The following SCAMP2 variants were observed in gnomAD, a reference collection of about 807,000 sequenced individuals.
SCAMP2 encodes secretory carrier-associated membrane protein 2.
A neutral mutation model predicts 44.1 loss-of-function variants in SCAMP2; 25 were observed. That is an observed-to-expected ratio of 0.57 (90% CI 0.41 to 0.79). The LOEUF is 0.79. Ranked by LOEUF, SCAMP2 falls within the 30% of genes least tolerant of loss-of-function variation. The pLI, the probability that SCAMP2 is intolerant of heterozygous loss-of-function variation, is 0.00. For synonymous variants in SCAMP2, 156 were observed against 166.0 expected, an observed-to-expected ratio of 0.94 and a Z score of 0.46; for missense variants, 355 against 411.0, an observed-to-expected ratio of 0.86 and a Z score of 1.18.
At chr15:74,846,155 G>A (rs1193205258) in intron 7 of SCAMP2, among the ~76,000 whole-genome samples, 1 of 151,964 alleles carries the variant, frequency 6.6e-6, no homozygotes, top group African/African-American at 2.4e-5. Flanking sequence ...GGTTGCACAC[G>A]CCTGCAATCC....
At chr15:74,855,716 CAAAAAAAAAA>C (rs10609131) in intron 1 of SCAMP2, among the ~76,000 whole-genome samples, 1 of 84,112 alleles carries the variant, frequency 1.2e-5, no homozygotes, top group African/African-American at 4.6e-5. Flanking sequence ...AACTCCATCT[CAAAAAAAAAA>C]AAAAAAAAAA....
intron 1 of SCAMP2, among the ~76,000 whole-genome samples, chr15:74,863,637 A>G (rs1479674168): frequency 2.0e-5 from 3 of 152,168 alleles, no homozygotes; most frequent in Non-Finnish European, 4.4e-5. Flanking sequence ...AAGGCCTTCC[A>G]GGACCTGGCA....
intron 1 of SCAMP2, among the ~76,000 whole-genome samples, chr15:74,855,039 C>T (rs1233059134): frequency 6.7e-6 from 1 of 150,104 alleles, no homozygotes; most frequent in Non-Finnish European, 1.5e-5. Context: ...AGGGTAGAGA[C>T]TTACTATTGA....
At chr15:74,862,861 C>CAT (rs34351367) in intron 1 of SCAMP2, among the ~76,000 whole-genome samples, 32,310 of 105,164 alleles carry the variant, frequency 0.31, 6,805 homozygotes, top group Non-Finnish European at 0.44. Context: ...CATACACACA[C>CAT]ACACACACAC....
chr15:74,869,479 T>G (rs932100900), intron 1 of SCAMP2, among the ~76,000 whole-genome samples: 5 of 152,212 alleles, frequency 3.3e-5, no homozygotes, highest in Admixed American at 2.6e-4. Context: ...GATGTTACAT[T>G]CCATTCTTTC....
chr15:74,856,344 C>T (rs1162582234), intron 1 of SCAMP2, among the ~76,000 whole-genome samples: 1 of 147,118 alleles, frequency 6.8e-6, no homozygotes, highest in Non-Finnish European at 1.5e-5. Context: ...GCATGATCTC[C>T]ACTCACTGCA....
chr15:74,873,342 T>G lies in SCAMP2; in HGVS notation c.-87A>C. ...GCGGCGCTTCGTGTAGACCCTCCACTTCCGGGAGCGAGGCAGCGGTTCTGG... is the reference window on the plus strand; with the variant it reads ...GCGGCGCTTCGTGTAGACCCTCCACGTCCGGGAGCGAGGCAGCGGTTCTGG... On this transcript the variant is annotated 5_prime_UTR_variant, in exon 1 of 9. Transcript: ENST00000268099. 3 of 1,166,610 alleles carry G rather than the reference T, an allele frequency of 2.6e-6. No individual in the cohort carries two copies. Among genetic ancestry groups the G allele is most frequent in the Non-Finnish European group, 3.4e-6 (3 of 887,426 alleles). The allele number at this position is 1,166,610 out of a possible 1,614,324, so 72.3% of individuals were successfully genotyped here. A position where few individuals can be genotyped will look rare whatever the true frequency, so the allele number is the denominator to read the frequency against.
chr15:74,866,826 T>G (rs1054825564), intron 1 of SCAMP2, among the ~76,000 whole-genome samples: 1 of 148,080 alleles, frequency 6.8e-6, no homozygotes, highest in Admixed American at 6.8e-5. Flanking sequence ...AGATGGAGTC[T>G]CGCTCTGTCA....
chr15:74,866,309 A>G (rs2064543843), intron 1 of SCAMP2, among the ~76,000 whole-genome samples: 1 of 151,794 alleles, frequency 6.6e-6, no homozygotes, highest in Non-Finnish European at 1.5e-5. Flanking sequence ...TTAAGATCTA[A>G]GAGTGAGGAC....
intron 3 of SCAMP2, 109 bp from the exon 4 acceptor site, chr15:74,852,295 A>G (rs1596415620): frequency 1.4e-6 from 1 of 722,100 alleles, no homozygotes; most frequent in South Asian, 2.7e-5. Flanking sequence ...ACAGCCATCA[A>G]GGAGTCCCAG....
At chr15:74,871,451 C>A (rs2064574596) in intron 1 of SCAMP2, among the ~76,000 whole-genome samples, 1 of 151,212 alleles carries the variant, frequency 6.6e-6, no homozygotes, top group Non-Finnish European at 1.5e-5. Context: ...GAGACCCTGC[C>A]TTAAAAAAGG....
chr15:74,855,500 T>C (rs2141174955), intron 1 of SCAMP2, among the ~76,000 whole-genome samples: 1 of 152,154 alleles, frequency 6.6e-6, no homozygotes, highest in Non-Finnish European at 1.5e-5. Context: ...GTGGATCACC[T>C]GAGGTCGGGA....
chr15:74,853,953 G>T, intron 3 of SCAMP2, 68 bp downstream of exon 3: 1 of 1,381,866 alleles, frequency 7.2e-7, no homozygotes, highest in Non-Finnish European at 1.0e-6. Context: ...CCAGCCTCAG[G>T]GCTCAGCTAC....
chr15:74,850,387 G>A, intron 6 of SCAMP2, 127 bp downstream of exon 6: 1 of 939,642 alleles, frequency 1.1e-6, no homozygotes, highest in South Asian at 1.6e-5. Flanking sequence ...CAGAATGTAG[G>A]GAAAGTGGAT....
Position 74,851,310 on chromosome 15 carries a change from A to C in SCAMP2, c.472+43T>G, listed in dbSNP as rs1043318366. The C allele has an allele frequency of 4.4e-6, 7 of 1,602,300 alleles. No individual in the cohort carries two copies. The African/African-American group carries it at 9.4e-5, about 21-fold the overall frequency. On this transcript the variant is annotated intron_variant, in intron 5 of 8. Coordinates refer to ENST00000268099, the MANE Select transcript of SCAMP2 (RefSeq NM_005697.5). The stretch of plus-strand genomic sequence containing the variant: ...GACCAAGATGGGGCTCTCAAGTCAC[A>C]CCCAATTCGCCCTTGCGCTTGGAAG...
intron 7 of SCAMP2, among the ~76,000 whole-genome samples, chr15:74,846,143 G>A (rs538373635): frequency 1.3e-5 from 2 of 152,148 alleles, no homozygotes; most frequent in Non-Finnish European, 2.9e-5. Flanking sequence ...TTAGCTGCGC[G>A]TGGTTGCACA....
chr15:74,853,947 C>T, intron 3 of SCAMP2, 74 bp downstream of exon 3: 1 of 1,343,934 alleles, frequency 7.4e-7, no homozygotes, highest in Non-Finnish European at 1.1e-6. Context: ...TTGCCCCCAG[C>T]CTCAGGGCTC....
intron 1 of SCAMP2, among the ~76,000 whole-genome samples, chr15:74,857,128 G>A (rs150773308): frequency 1.3e-5 from 2 of 152,276 alleles, no homozygotes; most frequent in African/African-American, 4.8e-5. Context: ...AGTTCATAGA[G>A]GGTATGAATG....
chr15:74,865,866 T>C (rs1308316924), intron 1 of SCAMP2, among the ~76,000 whole-genome samples: 2 of 149,478 alleles, frequency 1.3e-5, no homozygotes, highest in Admixed American at 1.3e-4. Flanking sequence ...TGGGAGGATT[T>C]CTGGAGCCTA....
Sources: gnomAD v4.1 joint callset for allele counts (sites outside exome capture counted in the v4.1 genomes callset) on GRCh38, gnomAD v4.1.1 for gene constraint, MANE v1.5 for transcripts, NCBI Gene and HGNC (gene_info 2026-07-23, HGNC 2026-07-21) for gene names.